The following KHDRBS2 variants were observed in gnomAD, a reference collection of about 807,000 sequenced individuals.
KHDRBS2 encodes KH RNA binding domain containing, signal transduction associated 2.
Under a neutral mutation model 44.3 loss-of-function variants are expected in KHDRBS2, and 26 were observed. That is an observed-to-expected ratio of 0.59 (90% confidence interval 0.43 to 0.81). The LOEUF is 0.81. KHDRBS2 is among the 40% of genes least tolerant of loss of function. The pLI, the probability that KHDRBS2 is intolerant of heterozygous loss-of-function variation, is 0.00. For missense variants in KHDRBS2, 476 were observed against 433.1 expected (o/e 1.10, Z -0.88); for synonymous variants, 194 against 151.1 (o/e 1.28, Z -2.08).
intron 6 of KHDRBS2, among the ~76,000 whole-genome samples, chr6:61,808,527 T>C (rs1033922246): frequency 3.9e-5 from 6 of 152,150 alleles, no homozygotes; most frequent in Non-Finnish European, 8.8e-5. Flanking sequence ...GTAAATGTGA[T>C]TTCTCAGTGA....
intron 1 of KHDRBS2, among the ~76,000 whole-genome samples, chr6:62,260,582 G>T (rs1414775512): frequency 6.6e-6 from 1 of 151,806 alleles, no homozygotes; most frequent in African/African-American, 2.4e-5. Context: ...TAATGAACTG[G>T]TATTCAGAAT....
At chr6:62,100,523 G>A (rs1801622979) in intron 2 of KHDRBS2, among the ~76,000 whole-genome samples, 1 of 152,176 alleles carries the variant, frequency 6.6e-6, no homozygotes, top group South Asian at 2.1e-4. Context: ...GGCAAGCGAT[G>A]TGGCAAACAT....
chr6:61,667,782 A>AT, the KHDRBS2 span, among the ~76,000 whole-genome samples: 1 of 151,296 alleles, frequency 6.6e-6, no homozygotes, highest in African/African-American at 2.4e-5. Context: ...ACAGGCTAGC[A>AT]TTACTAGCAT....
intron 1 of KHDRBS2, among the ~76,000 whole-genome samples, chr6:62,234,096 G>A (rs1297893752): frequency 1.3e-5 from 2 of 151,898 alleles, no homozygotes; most frequent in Non-Finnish European, 1.5e-5. Context: ...ATTCCAGATT[G>A]ATAACTGCCT....
chr6:61,794,902 G>A (rs961009991), intron 6 of KHDRBS2, among the ~76,000 whole-genome samples: 3 of 152,008 alleles, frequency 2.0e-5, no homozygotes, highest in African/African-American at 4.8e-5. Context: ...ACTTTGGAAC[G>A]CCAAGGCAGG....
At chr6:61,895,204 G>C (rs1802737246) in intron 5 of KHDRBS2, among the ~76,000 whole-genome samples, 1 of 150,810 alleles carries the variant, frequency 6.6e-6, no homozygotes, top group Non-Finnish European at 1.5e-5. Flanking sequence ...ACACAAATCA[G>C]AGCATCGTCT....
the KHDRBS2 span, among the ~76,000 whole-genome samples, chr6:61,570,874 G>A: frequency 1.3e-5 from 2 of 152,040 alleles, no homozygotes; most frequent in African/African-American, 2.4e-5. Flanking sequence ...AAATGCTGAA[G>A]AGTTCACCAC....
At chr6:62,073,449 T>C (rs908884615) in intron 2 of KHDRBS2, among the ~76,000 whole-genome samples, 45 of 151,466 alleles carry the variant, frequency 3.0e-4, no homozygotes, top group Non-Finnish European at 7.4e-5. Flanking sequence ...TTGTCTCTTT[T>C]TCCTTTCAGT....
chr6:62,208,359 A>G (rs1389275695), intron 1 of KHDRBS2, among the ~76,000 whole-genome samples: 3 of 152,158 alleles, frequency 2.0e-5, no homozygotes, highest in African/African-American at 7.2e-5. Context: ...CCTCCCAAGT[A>G]GCTGGGACTA....
intron 6 of KHDRBS2, among the ~76,000 whole-genome samples, chr6:61,743,563 A>C (rs1776443459): frequency 6.6e-6 from 1 of 152,134 alleles, no homozygotes; most frequent in African/African-American, 2.4e-5. Flanking sequence ...GAAAAATGAA[A>C]AAAATTGGGG....
intron 6 of KHDRBS2, among the ~76,000 whole-genome samples, chr6:61,742,230 T>C (rs1421685880): frequency 1.3e-5 from 2 of 151,974 alleles, no homozygotes; most frequent in African/African-American, 4.8e-5. Context: ...TTATGAAGTG[T>C]GGTTAATTCT....
chr6:62,268,868 C>T (rs891189989), intron 1 of KHDRBS2, among the ~76,000 whole-genome samples: 2 of 151,914 alleles, frequency 1.3e-5, no homozygotes, highest in African/African-American at 4.8e-5. Context: ...AACAGTCATG[C>T]AGAGGGTCAA....
chr6:62,207,588 C>T (rs373628673), intron 1 of KHDRBS2, among the ~76,000 whole-genome samples: 3 of 152,154 alleles, frequency 2.0e-5, no homozygotes, highest in Admixed American at 6.5e-5. Context: ...AAAAGATACA[C>T]ATAATAAAAC....
At chr6:61,581,373 C>G in the KHDRBS2 span, among the ~76,000 whole-genome samples, 1 of 151,608 alleles carries the variant, frequency 6.6e-6, no homozygotes, top group East Asian at 1.9e-4. Context: ...GTGTTTCTGA[C>G]CACAGAAATT....
intron 1 of KHDRBS2, among the ~76,000 whole-genome samples, chr6:62,186,416 T>C (rs1390485008): frequency 2.0e-5 from 3 of 152,080 alleles, no homozygotes; most frequent in Non-Finnish European, 4.4e-5. Flanking sequence ...AAGTTTTGTA[T>C]CATTAAAACC....
intron 4 of KHDRBS2, among the ~76,000 whole-genome samples, chr6:61,965,749 T>C (rs1769780843): frequency 1.3e-5 from 2 of 151,956 alleles, no homozygotes; most frequent in Middle Eastern, 3.2e-3. Context: ...CTTTAGAGGA[T>C]AAGTTAAGGC....
intron 2 of KHDRBS2, among the ~76,000 whole-genome samples, chr6:62,117,121 G>T (rs1171104611): frequency 3.3e-5 from 5 of 152,138 alleles, no homozygotes; most frequent in Admixed American, 3.3e-4. Context: ...TCAGTGGTGA[G>T]ATTTCTAGAT....
At chr6:61,561,999 C>A in the KHDRBS2 span, among the ~76,000 whole-genome samples, 1 of 152,222 alleles carries the variant, frequency 6.6e-6, no homozygotes, top group African/African-American at 2.4e-5. Flanking sequence ...GATAAAATCA[C>A]TATAAACCAA....
intron 2 of KHDRBS2, among the ~76,000 whole-genome samples, chr6:62,093,960 T>A (rs1298431537): frequency 6.6e-6 from 1 of 151,792 alleles, no homozygotes; most frequent in Admixed American, 6.6e-5. Flanking sequence ...CATATCTTGG[T>A]TATTGTCAAT....
Sources: allele counts gnomAD v4.1 joint callset (sites outside exome capture counted in the v4.1 genomes callset), GRCh38; gene constraint gnomAD v4.1.1; transcripts MANE v1.5; gene names NCBI Gene and HGNC (gene_info 2026-07-23, HGNC 2026-07-21).